The following ENDOD1 variants were observed in gnomAD, a reference collection of about 807,000 sequenced individuals.
ENDOD1 encodes endonuclease domain-containing 1 protein.
In ENDOD1, 9 loss-of-function variants were observed where a neutral mutation model predicts 6.5. The ratio of observed to expected loss-of-function variants is 1.39; its 90% CI spans 0.84 to 2.43. The LOEUF (loss-of-function observed/expected upper bound fraction) is 2.43, where lower values mean the gene tolerates loss of function less well. Ranked by LOEUF, ENDOD1 falls within the 30% of genes most tolerant of loss-of-function variation. ENDOD1 has a pLI of 0.00. For synonymous variants in ENDOD1, 255 were observed against 255.2 expected (o/e 1.00, Z 0.01); for missense variants, 648 against 635.5 (o/e 1.02, Z -0.21).
chr11:95,124,379 C>T (rs1487217404), intron 1 of ENDOD1, among the ~76,000 whole-genome samples: 1 of 152,198 alleles, frequency 6.6e-6, no homozygotes, highest in African/African-American at 2.4e-5. Context: ...CAATCCATCT[C>T]CCCATCACTA....
intron 1 of ENDOD1, among the ~76,000 whole-genome samples, chr11:95,104,296 A>G (rs1364382012): frequency 6.6e-6 from 1 of 151,930 alleles, no homozygotes; most frequent in Non-Finnish European, 1.5e-5. Context: ...AAAATAGAAA[A>G]CATTAGCTGG....
At chr11:95,118,893 T>C (rs1859236455) in intron 1 of ENDOD1, among the ~76,000 whole-genome samples, 11 of 152,242 alleles carry the variant, frequency 7.2e-5, no homozygotes, top group Admixed American at 7.2e-4. Flanking sequence ...TTTCAAATAG[T>C]CTGTCTTTAA....
rs1303463536 is a variant in ENDOD1, at chr11:95,130,666, C to T, written c.*1087C>T. On this transcript the variant is annotated 3_prime_UTR_variant, in exon 2 of 2. Transcript: ENST00000278505. ...AAAATAAAGATAAAAGTTATTGTGG[C>T]CATCTCTGAAAAAAATATATAAAAT... 6.6e-6 allele frequency: 1 copy of T among 151,728 alleles called. No homozygotes were observed. The highest frequency in any genetic ancestry group is 2.4e-5 in the African/African-American group (1 of 41,280). The allele number at this position is 151,728 out of a possible 1,614,324, so 9.4% of individuals were successfully genotyped here.
chr11:95,109,637 G>A lies in ENDOD1; in HGVS notation c.301-18740G>A, dbSNP rs540576418. ...CTTTGGAGGTCAGCCTGCCAAACTC[G>A]GCTGCCCACTTGTGTCCCACACTCT... On this transcript the variant is annotated intron_variant, in intron 1 of 1. Coordinates refer to ENST00000278505, the MANE Select transcript of ENDOD1 (RefSeq NM_015036.3). Among the ~76,000 whole-genome samples the A allele has an allele frequency of 2.3e-4, 35 of 152,358 alleles. No individual in the cohort carries two copies. In the South Asian group the frequency reaches 5.6e-3, roughly 24 times the overall value.
At chr11:95,111,235 G>A (rs1164111815) in intron 1 of ENDOD1, among the ~76,000 whole-genome samples, 1 of 152,122 alleles carries the variant, frequency 6.6e-6, no homozygotes, top group Non-Finnish European at 1.5e-5. Context: ...AGTCCGTTCA[G>A]TGCCTTCCTG....
chr11:95,123,588 C>CAA lies in ENDOD1; in HGVS notation c.301-4773_301-4772dup, dbSNP rs71930134. 8.8e-3 allele frequency among the ~76,000 whole-genome samples: 1,191 copies of CAA among 134,964 alleles called. 31 individuals carry two copies. The highest frequency in any genetic ancestry group is 0.03 in the African/African-American group (1,057 of 35,664). 88.5% of individuals were successfully genotyped at this position (134,964 alleles called of 152,430 possible). ...TTGATTCAGGAGGTAGTATAAATAC[C>CAA]AAAAAAAAAAAAAAAAATTTAAGCA... On this transcript the variant is annotated intron_variant, in intron 1 of 1. Transcript: ENST00000278505.
Position 95,128,555 on chromosome 11 carries a change from TCA to T in ENDOD1, c.482_483del (p.Thr161LysfsTer49). 1 of 1,614,212 alleles carries T rather than the reference TCA, an allele frequency of 6.2e-7. No individual in the cohort carries two copies. On this transcript the variant is annotated frameshift_variant, in exon 2 of 2. Coordinates refer to ENST00000278505, the MANE Select transcript of ENDOD1 (RefSeq NM_015036.3). LOFTEE classifies it low-confidence loss of function (END_TRUNC). ...GATGTCCAGGTGGCCACATTTACTC[TCA>T]CAAATTCAGCCCCAATGACTCAGTC...
rs1555109660 is a variant in ENDOD1, at chr11:95,090,070, C to T, written c.143C>T (p.Ala48Val). The stretch of plus-strand genomic sequence containing the variant: ...GCCGGGACCCCGCCTGCGGGGCTGG[C>T]GGCCGATTCCCACGTGAAGATCTGT... ...FYAGTPPAGL[A>V]ADSHVKICQR... Residue 48 changes from alanine to valine, a missense_variant, in exon 1 of 2, where the codon GCG becomes GTG. Physicochemically the swap from Ala to Val is moderately conservative, Grantham distance 64. Coordinates refer to ENST00000278505, the MANE Select transcript of ENDOD1 (RefSeq NM_015036.3). The T allele has an allele frequency of 1.2e-6, 2 of 1,602,110 alleles. No homozygotes were observed. Among genetic ancestry groups the T allele is most frequent in the Admixed American group, 1.7e-5 (1 of 59,204 alleles).
intron 1 of ENDOD1, among the ~76,000 whole-genome samples, chr11:95,116,366 A>G (rs940253747): frequency 6.6e-6 from 1 of 151,856 alleles, no homozygotes; most frequent in African/African-American, 2.4e-5. Context: ...GATTTTATTT[A>G]TTTGGGTCTT....
At chr11:95,110,574 C>CATGTGTGTGTGT (rs1555111806) in intron 1 of ENDOD1, among the ~76,000 whole-genome samples, 1 of 138,702 alleles carries the variant, frequency 7.2e-6, no homozygotes, top group Non-Finnish European at 1.6e-5. Context: ...CTTTCAAGTC[C>CATGTGTGTGTGT]GTGTATGTAT....
intron 1 of ENDOD1, among the ~76,000 whole-genome samples, chr11:95,115,328 G>A (rs782020052): frequency 6.8e-6 from 1 of 147,504 alleles, no homozygotes; most frequent in Non-Finnish European, 1.5e-5. Flanking sequence ...CTGATTTTTT[G>A]TAGTTTATTT....
At chr11:95,118,164 A>G (rs1859228797) in intron 1 of ENDOD1, among the ~76,000 whole-genome samples, 3 of 152,060 alleles carry the variant, frequency 2.0e-5, no homozygotes, top group Admixed American at 1.3e-4. Flanking sequence ...TGACGGGTTC[A>G]TCATTTAGTT....
chr11:95,124,907 A>C (rs1859296781), intron 1 of ENDOD1, among the ~76,000 whole-genome samples: 1 of 152,164 alleles, frequency 6.6e-6, no homozygotes, highest in Admixed American at 6.5e-5. Flanking sequence ...GTCCATTGTA[A>C]GTCCTGGTTT....
At chr11:95,092,480 G>A (rs540742412) in intron 1 of ENDOD1, among the ~76,000 whole-genome samples, 1 of 152,224 alleles carries the variant, frequency 6.6e-6, no homozygotes, top group African/African-American at 2.4e-5. Context: ...TAAAGAAGAT[G>A]GGAAGGGAGG....
intron 1 of ENDOD1, among the ~76,000 whole-genome samples, chr11:95,097,298 G>A (rs561861189): frequency 2.6e-5 from 4 of 152,268 alleles, no homozygotes; most frequent in African/African-American, 9.6e-5. Context: ...TGACTTTTGG[G>A]TATAGACATG....
At chr11:95,105,794 AT>A (rs781933923) in intron 1 of ENDOD1, among the ~76,000 whole-genome samples, 1 of 151,702 alleles carries the variant, frequency 6.6e-6, no homozygotes, top group African/African-American at 2.4e-5. Context: ...GTATTATTAA[AT>A]TTTTTCCCTG....
At chr11:95,122,983 G>T (rs1859276697) in intron 1 of ENDOD1, among the ~76,000 whole-genome samples, 1 of 152,130 alleles carries the variant, frequency 6.6e-6, no homozygotes, top group South Asian at 2.1e-4. Context: ...GAGGTCAGGA[G>T]TTCGAGACCA....
intron 1 of ENDOD1, among the ~76,000 whole-genome samples, chr11:95,106,231 C>T (rs12290354): frequency 0.14 from 21,450 of 152,032 alleles, 2,059 homozygotes; most frequent in African/African-American, 0.28. Flanking sequence ...GGATGGACAC[C>T]CAGCACAGGA....
At chr11:95,111,796 C>A (rs1471670673) in intron 1 of ENDOD1, among the ~76,000 whole-genome samples, 2 of 152,158 alleles carry the variant, frequency 1.3e-5, no homozygotes, top group African/African-American at 4.8e-5. Flanking sequence ...GGGTTGGAGA[C>A]CCCTGCTTTA....
Sources: allele counts gnomAD v4.1 joint callset (sites outside exome capture counted in the v4.1 genomes callset), GRCh38; gene constraint gnomAD v4.1.1; transcripts MANE v1.5; gene names NCBI Gene and HGNC (gene_info 2026-07-23, HGNC 2026-07-21).